Variants in CSGALNACT1 observed in about 807,000 individuals in gnomAD.
CSGALNACT1 encodes chondroitin sulfate N-acetylgalactosaminyltransferase 1, also known as beta4GalNAcT-1.
A neutral mutation model predicts 51.0 loss-of-function variants in CSGALNACT1; 52 were observed. The observed-to-expected ratio is 1.02, with a 90% CI of 0.82 to 1.29. The LOEUF is 1.29. Among genes scored for constraint, CSGALNACT1 ranks in the 50% most tolerant of loss-of-function variants. CSGALNACT1 has a pLI of 0.00. For synonymous variants in CSGALNACT1, 341 were observed against 254.4 expected (o/e 1.34, Z -3.24); for missense variants, 935 against 679.2 (o/e 1.38, Z -4.19).
intron 3 of CSGALNACT1, among the ~76,000 whole-genome samples, chr8:19,586,279 A>C (rs1323263094): frequency 6.6e-6 from 1 of 152,010 alleles, no homozygotes; most frequent in Non-Finnish European, 1.5e-5. Context: ...GAGTCGCTTG[A>C]ACCTGTGATG....
chr8:19,738,370 A>G (rs536928463), intron 1 of CSGALNACT1, among the ~76,000 whole-genome samples: 27 of 152,382 alleles, frequency 1.8e-4, no homozygotes, highest in African/African-American at 5.8e-4. Flanking sequence ...GAAATAAACC[A>G]TTCACAAAAG....
rs542396632 is a variant in CSGALNACT1 at position 19,656,734 on chromosome 8, T to C, written c.-544+25739A>G. 2.0e-5 allele frequency among the ~76,000 whole-genome samples: 3 copies of C among 152,056 alleles called. No individual in the cohort carries two copies. The South Asian group carries it at 6.2e-4, about 32-fold the overall frequency. ...GTATGAAATAAGAAACTATTAAAAA[T>C]AAGCAGCTTTTAAAAATAGCTAAAT... On this transcript the variant is annotated intron_variant, in intron 1 of 9. Coordinates refer to the CSGALNACT1 transcript ENST00000332246.
rs181623179 is a variant in CSGALNACT1 at position 19,405,966 on chromosome 8, T to C, written c.1413A>G (p.Gly471=). The C allele has an allele frequency of 2.4e-4, 384 of 1,613,742 alleles. No homozygotes were observed. The East Asian group carries it at 6.6e-3, about 28-fold the overall frequency. ...GCTTCTCATGCCAGAGGTGGAAGAG[T>C]CCTCGCACAGGCGTCCGTACCACTA... Residue 471 remains glycine, a synonymous_variant, in exon 10 of 10, where the codon GGA becomes GGG. Transcript: ENST00000454498.
chr8:19,548,147 A>T (rs1403372301), intron 3 of CSGALNACT1, among the ~76,000 whole-genome samples: 1 of 152,256 alleles, frequency 6.6e-6, no homozygotes, highest in Non-Finnish European at 1.5e-5. Flanking sequence ...GCCAAACACT[A>T]ATTATTAAAG....
At chr8:19,595,858 T>C (rs2048769908) in intron 2 of CSGALNACT1, among the ~76,000 whole-genome samples, 2 of 113,888 alleles carry the variant, frequency 1.8e-5, no homozygotes, top group South Asian at 6.2e-4. Context: ...TTTCAGTTAA[T>C]GTATTTTTTT....
chr8:19,445,856 T>C (rs2062024354), intron 5 of CSGALNACT1, among the ~76,000 whole-genome samples: 1 of 152,192 alleles, frequency 6.6e-6, no homozygotes. Context: ...TGTCCATATG[T>C]TTTTGGTTTG....
intron 8 of CSGALNACT1, among the ~76,000 whole-genome samples, chr8:19,409,403 A>G (rs1252828528): frequency 6.6e-6 from 1 of 152,166 alleles, no homozygotes; most frequent in Non-Finnish European, 1.5e-5. Context: ...GAGGCCATCC[A>G]GACACTGCCC....
At chr8:19,728,881 G>A (rs1405203043) in intron 1 of CSGALNACT1, among the ~76,000 whole-genome samples, 1 of 152,064 alleles carries the variant, frequency 6.6e-6, no homozygotes, top group Non-Finnish European at 1.5e-5. Flanking sequence ...CTTTGAGAAG[G>A]TGAAATTAAA....
At chr8:19,525,454 A>G (rs1027931322) in intron 3 of CSGALNACT1, among the ~76,000 whole-genome samples, 1 of 151,398 alleles carries the variant, frequency 6.6e-6, no homozygotes, top group Non-Finnish European at 1.5e-5. Context: ...AAAATACAAA[A>G]AAGAAAAAAA....
intron 1 of CSGALNACT1, among the ~76,000 whole-genome samples, chr8:19,668,033 T>G (rs920425466): frequency 2.6e-5 from 4 of 152,144 alleles, no homozygotes; most frequent in African/African-American, 9.7e-5. Flanking sequence ...AGTAAGAATA[T>G]AAAAACTTGA....
intron 1 of CSGALNACT1, among the ~76,000 whole-genome samples, chr8:19,680,564 A>AT (rs1440518714): frequency 3.4e-5 from 1 of 29,018 alleles, no homozygotes; most frequent in African/African-American, 9.7e-5. Context: ...CCCTCGCCCC[A>AT]CCCCCCCCCC....
Position 19,562,301 on chromosome 8 carries a change from G to C in CSGALNACT1, c.-297+28859C>G, listed in dbSNP as rs182474597. Among the ~76,000 whole-genome samples the C allele has an allele frequency of 2.0e-5, 3 of 152,284 alleles. No homozygotes were observed. The East Asian group carries it at 5.8e-4, about 29-fold the overall frequency. On this transcript the variant is annotated intron_variant, in intron 3 of 9. Transcript: ENST00000454498. ...AAATTCTTCAGGCTAAGGCAAAGAAGTCATTTTGAAGTGCCCTTTTACATA... is the reference window on the plus strand; with the variant it reads ...AAATTCTTCAGGCTAAGGCAAAGAACTCATTTTGAAGTGCCCTTTTACATA...
At chr8:19,487,192 G>A (rs756154804) in intron 4 of CSGALNACT1, among the ~76,000 whole-genome samples, 1 of 152,082 alleles carries the variant, frequency 6.6e-6, no homozygotes, top group Admixed American at 6.6e-5. Flanking sequence ...CTCACATTCT[G>A]CTCCAGAGAC....
chr8:19,751,282 C>G (rs977260499), intron 1 of CSGALNACT1, among the ~76,000 whole-genome samples: 6 of 152,096 alleles, frequency 3.9e-5, no homozygotes, highest in Non-Finnish European at 7.4e-5. Flanking sequence ...CCGTAAAACG[C>G]AGATGATAAG....
intron 3 of CSGALNACT1, among the ~76,000 whole-genome samples, chr8:19,519,476 G>T (rs757825344): frequency 3.3e-5 from 5 of 152,170 alleles, no homozygotes; most frequent in Non-Finnish European, 7.3e-5. Context: ...AGGGGAAGGC[G>T]ATGTCCACAG....
chr8:19,536,426 T>TA (rs977508783), intron 3 of CSGALNACT1, among the ~76,000 whole-genome samples: 1 of 151,948 alleles, frequency 6.6e-6, no homozygotes, highest in Admixed American at 6.6e-5. Context: ...TTATAATCAC[T>TA]AAAAAAAATT....
intron 1 of CSGALNACT1, among the ~76,000 whole-genome samples, chr8:19,714,623 G>A (rs1200840461): frequency 1.3e-5 from 2 of 151,858 alleles, no homozygotes; most frequent in Non-Finnish European, 2.9e-5. Flanking sequence ...ATTCATTCTT[G>A]TGCATTGCCT....
chr8:19,502,248 C>A (rs2076549098), intron 4 of CSGALNACT1, among the ~76,000 whole-genome samples: 2 of 152,160 alleles, frequency 1.3e-5, no homozygotes, highest in Admixed American at 6.5e-5. Context: ...CTTGGCAAAG[C>A]TATGGAGAAA....
intron 3 of CSGALNACT1, among the ~76,000 whole-genome samples, chr8:19,526,796 G>A (rs2081802595): frequency 6.6e-6 from 1 of 152,118 alleles, no homozygotes; most frequent in South Asian, 2.1e-4. Context: ...GGTATTTCAT[G>A]AGTATAGCAA....
Sources: gnomAD v4.1 joint callset for allele counts (sites outside exome capture counted in the v4.1 genomes callset) on GRCh38, gnomAD v4.1.1 for gene constraint, MANE v1.5 for transcripts, NCBI Gene and HGNC (gene_info 2026-07-23, HGNC 2026-07-21) for gene names.